The following DROSHA variants were observed in gnomAD, a reference collection of about 807,000 sequenced individuals.
The protein encoded by DROSHA is ribonuclease 3.
Under a neutral mutation model 181.9 loss-of-function variants are expected in DROSHA, and 56 were observed. That is an observed-to-expected ratio of 0.31 (90% CI 0.25 to 0.38). The LOEUF (loss-of-function observed/expected upper bound fraction) is 0.38, where lower values mean the gene tolerates loss of function less well. Among genes scored for constraint, DROSHA ranks in the 10% least tolerant of loss-of-function variants. The pLI, the probability that DROSHA is intolerant of heterozygous loss-of-function variation, is 1.00. For synonymous variants in DROSHA, 524 were observed against 591.2 expected (o/e 0.89, Z 1.65); for missense variants, 1,218 against 1,743.5 (o/e 0.70, Z 5.37).
intron 23 of DROSHA, among the ~76,000 whole-genome samples, chr5:31,440,775 C>A (rs548062236): frequency 3.7e-4 from 57 of 152,070 alleles, no homozygotes; most frequent in African/African-American, 1.4e-3. Flanking sequence ...TTTGTCTATA[C>A]AAAAGTATTA....
chr5:31,427,203 C>G (rs1041984751), intron 27 of DROSHA, among the ~76,000 whole-genome samples: 10 of 152,072 alleles, frequency 6.6e-5, no homozygotes, highest in African/African-American at 2.2e-4. Flanking sequence ...GGTACTGGGA[C>G]AGCTGTGTAA....
chr5:31,479,278 T>C (rs1423535468), intron 16 of DROSHA, among the ~76,000 whole-genome samples: 1 of 152,256 alleles, frequency 6.6e-6, no homozygotes, highest in African/African-American at 2.4e-5. Context: ...AAGTGTTCAC[T>C]GTTTTTACTT....
chr5:31,412,894 T>C (rs2149989758), intron 30 of DROSHA, among the ~76,000 whole-genome samples: 1 of 152,276 alleles, frequency 6.6e-6, no homozygotes, highest in South Asian at 2.1e-4. Flanking sequence ...TTTCCTAAAG[T>C]AGAGGCTGTG....
chr5:31,481,766 C>T (rs1437789181), intron 16 of DROSHA, among the ~76,000 whole-genome samples: 2 of 152,102 alleles, frequency 1.3e-5, no homozygotes, highest in African/African-American at 4.8e-5. Context: ...AAATCTAAAC[C>T]AGACAGAGTA....
intron 10 of DROSHA, chr5:31,505,927 C>T (rs942454891): frequency 2.6e-5 from 4 of 151,914 alleles, no homozygotes; most frequent in African/African-American, 9.7e-5. Flanking sequence ...AAAAGCTATA[C>T]CTTTCTTTAG....
intron 18 of DROSHA, chr5:31,467,691 G>A: frequency 4.1e-6 from 1 of 246,388 alleles, no homozygotes. Context: ...AACATACAAG[G>A]ACTTATGTTG....
chr5:31,437,111 C>A (rs1744939167), intron 24 of DROSHA, 128 bp downstream of exon 24: 1 of 1,040,488 alleles, frequency 9.6e-7, no homozygotes, highest in South Asian at 1.6e-5. Flanking sequence ...CTAAGCTCTA[C>A]AAAAGAGATA....
chr5:31,519,515 A>C (rs1739639404), intron 6 of DROSHA, among the ~76,000 whole-genome samples: 1 of 152,180 alleles, frequency 6.6e-6, no homozygotes, highest in Non-Finnish European at 1.5e-5. Context: ...TACCCGGGAC[A>C]CACAAAAACA....
intron 13 of DROSHA, among the ~76,000 whole-genome samples, chr5:31,489,701 A>G (rs546423539): frequency 6.6e-6 from 1 of 152,302 alleles, no homozygotes; most frequent in South Asian, 2.1e-4. Flanking sequence ...AAAACTCTCC[A>G]AACCTCCATC....
intron 35 of DROSHA, among the ~76,000 whole-genome samples, chr5:31,404,763 G>A (rs1311993000): frequency 6.6e-6 from 1 of 151,750 alleles, no homozygotes; most frequent in Non-Finnish European, 1.5e-5. Flanking sequence ...CTATTCCACA[G>A]AACTAAAAAG....
chr5:31,471,870 G>A (rs1749768836), intron 17 of DROSHA, among the ~76,000 whole-genome samples, 193 bp downstream of exon 17: 1 of 152,042 alleles, frequency 6.6e-6, no homozygotes, highest in Non-Finnish European at 1.5e-5. Context: ...TACTAAATTA[G>A]GTGAATTTAC....
At chr5:31,416,482 T>G (rs1741967626) in intron 30 of DROSHA, among the ~76,000 whole-genome samples, 1 of 151,404 alleles carries the variant, frequency 6.6e-6, no homozygotes, top group Non-Finnish European at 1.5e-5. Flanking sequence ...TCCATTGGGG[T>G]AGGCAAACTG....
At chr5:31,450,282 GA>G (rs577326768) in intron 21 of DROSHA, among the ~76,000 whole-genome samples, 10 of 152,146 alleles carry the variant, frequency 6.6e-5, no homozygotes, top group Non-Finnish European at 1.5e-4. Context: ...GATTTCTCAA[GA>G]AACTAAAAGT....
chr5:31,408,208 G>A (rs1184961056), intron 33 of DROSHA, among the ~76,000 whole-genome samples: 1 of 152,102 alleles, frequency 6.6e-6, no homozygotes, highest in East Asian at 1.9e-4. Context: ...AGTCCAAAGG[G>A]GAGCTTTTAC....
chr5:31,527,361 C>T, intron 4 of DROSHA: 1 of 168,928 alleles, frequency 5.9e-6, no homozygotes, highest in South Asian at 1.3e-4. Flanking sequence ...CTCCCTGATA[C>T]CAGACCCTTC....
At chr5:31,529,502 G>A (rs1290890853) in intron 3 of DROSHA, among the ~76,000 whole-genome samples, 1 of 152,102 alleles carries the variant, frequency 6.6e-6, no homozygotes, top group Admixed American at 6.5e-5. Flanking sequence ...TTGGGAGGTC[G>A]AGGCAGGTGG....
chr5:31,426,354 G>A (rs1024157178), intron 27 of DROSHA, among the ~76,000 whole-genome samples: 1 of 152,128 alleles, frequency 6.6e-6, no homozygotes, highest in African/African-American at 2.4e-5. Flanking sequence ...ATTCTGATCA[G>A]GTCATTTGTT....
At chr5:31,525,503 CAAAAAAAAAA>C (rs397970711) in intron 5 of DROSHA, among the ~76,000 whole-genome samples, 2 of 36,172 alleles carry the variant, frequency 5.5e-5, no homozygotes, top group South Asian at 2.3e-3. Flanking sequence ...GATTCTGTCA[CAAAAAAAAAA>C]AAAAAAAAAA....
intron 30 of DROSHA, among the ~76,000 whole-genome samples, chr5:31,419,850 A>G (rs1742454571): frequency 6.6e-6 from 1 of 152,224 alleles, no homozygotes; most frequent in Non-Finnish European, 1.5e-5. Context: ...TGTTTTTCTA[A>G]TGAACAGTAA....
Sources: allele counts gnomAD v4.1 joint callset (sites outside exome capture counted in the v4.1 genomes callset), GRCh38; gene constraint gnomAD v4.1.1; transcripts MANE v1.5; gene names NCBI Gene and HGNC (gene_info 2026-07-23, HGNC 2026-07-21).